The following HSPBAP1 variants were observed in gnomAD, a reference collection of about 807,000 sequenced individuals.
HSPBAP1 encodes the protein HSPB1 associated protein 1.
In HSPBAP1, 27 loss-of-function variants were observed where a neutral mutation model predicts 45.2. The observed-to-expected ratio is 0.60, with a 90% CI of 0.44 to 0.82. The LOEUF is 0.82. Among genes scored for constraint, HSPBAP1 ranks in the 40% least tolerant of loss-of-function variants. The pLI, the probability that HSPBAP1 is intolerant of heterozygous loss-of-function variation, is 0.00. For synonymous variants in HSPBAP1, 204 were observed against 202.7 expected, an observed-to-expected ratio of 1.01 and a Z score of -0.06; for missense variants, 510 against 590.9, an observed-to-expected ratio of 0.86 and a Z score of 1.42.
chr3:122,776,520 A>G (rs1334526836), intron 2 of HSPBAP1, among the ~76,000 whole-genome samples: 5 of 152,244 alleles, frequency 3.3e-5, no homozygotes, highest in South Asian at 2.1e-4. Context: ...GCTTTAAATA[A>G]ATATTAGCTA....
chr3:122,751,902 A>G (rs1161122115), intron 6 of HSPBAP1, among the ~76,000 whole-genome samples: 1 of 152,232 alleles, frequency 6.6e-6, no homozygotes, highest in Admixed American at 6.5e-5. Flanking sequence ...GACTAGGGAG[A>G]GGATACGGCT....
chr3:122,767,034 T>G (rs1934806873), intron 3 of HSPBAP1, among the ~76,000 whole-genome samples: 1 of 152,230 alleles, frequency 6.6e-6, no homozygotes, highest in South Asian at 2.1e-4. Context: ...CTTTTAAAGT[T>G]AACTATGAAA....
At chr3:122,784,266 G>A (rs1935583427) in intron 1 of HSPBAP1, among the ~76,000 whole-genome samples, 3 of 152,106 alleles carry the variant, frequency 2.0e-5, no homozygotes, top group Admixed American at 2.0e-4. Flanking sequence ...GATATAAATT[G>A]GAATCATCCT....
At chr3:122,754,941 T>A (rs896383488) in intron 5 of HSPBAP1, 1 of 1,040,170 alleles carries the variant, frequency 9.6e-7, no homozygotes, top group Admixed American at 5.6e-5. Context: ...GATGCTCGAG[T>A]ACCCATGCCT....
intron 5 of HSPBAP1, chr3:122,753,865 A>G: frequency 1.0e-6 from 1 of 985,300 alleles, no homozygotes; most frequent in Non-Finnish European, 1.2e-6. Flanking sequence ...AGGAAAACTG[A>G]TACAATAGGC....
chr3:122,757,581 C>A (rs1055435454), intron 4 of HSPBAP1, among the ~76,000 whole-genome samples: 1 of 152,298 alleles, frequency 6.6e-6, no homozygotes, highest in East Asian at 1.9e-4. Context: ...GCTTGCCTTG[C>A]ACTCTGGCTG....
chr3:122,740,439 G>A lies in HSPBAP1; in HGVS notation c.1373C>T (p.Thr458Ile). ...CAGCAAGTCATCCGTAGAAATGAAT[G>A]TTTGAGGAGTCGTAGTAGTATTTGA... ...IASNTTTTPQTFISTDDLLDC... is the reference protein window; with the variant it reads ...IASNTTTTPQIFISTDDLLDC... Residue 458 changes from threonine (T) to isoleucine (I), a missense_variant, in exon 8 of 8, where the codon ACA becomes ATA. Physicochemically the swap from Thr to Ile is moderately conservative, Grantham distance 89. Coordinates refer to ENST00000306103, the MANE Select transcript of HSPBAP1 (RefSeq NM_024610.6). 3 of 1,600,026 alleles carry A rather than the reference G, an allele frequency of 1.9e-6. No homozygotes were observed. The highest frequency in any genetic ancestry group is 2.6e-6 in the Non-Finnish European group (3 of 1,170,174).
At chr3:122,754,687 C>T (rs967461448) in intron 5 of HSPBAP1, 4 of 985,300 alleles carry the variant, frequency 4.1e-6, no homozygotes, top group Middle Eastern at 5.2e-4. Context: ...AAATATCAGA[C>T]AGCAAGTGCC....
rs1251757804 is a variant in HSPBAP1 at position 122,777,762 on chromosome 3, T to C, written c.209A>G (p.Lys70Arg). ...CATCCCCATTCTGAATCGTATCTGC[T>C]TGCCATGAAGGACCTGCGAAAGGTA... ...AKYLSQVLHG[K>R]QIRFRMGMKS... is the part of the protein sequence containing the mutation. The change falls in exon 2 of 8, where the codon AAG becomes AGG. Residue 70 changes from lysine (K) to arginine (R), a missense_variant. Physicochemically the swap from Lys to Arg is conservative, Grantham distance 26 (BLOSUM62 2). Coordinates refer to ENST00000306103, the MANE Select transcript of HSPBAP1 (RefSeq NM_024610.6). 1 of 1,613,962 alleles carries C rather than the reference T, an allele frequency of 6.2e-7. No homozygotes were observed. Among genetic ancestry groups the C allele is most frequent in the Non-Finnish European group, 8.5e-7 (1 of 1,179,978 alleles).
At chr3:122,791,182 A>G (rs890239370) in intron 1 of HSPBAP1, among the ~76,000 whole-genome samples, 1 of 152,236 alleles carries the variant, frequency 6.6e-6, no homozygotes, top group Non-Finnish European at 1.5e-5. Context: ...TCTCCCTCCA[A>G]TCGGTCTTCT....
chr3:122,761,872 G>A (rs1382085051), intron 3 of HSPBAP1: 1 of 151,266 alleles, frequency 6.6e-6, no homozygotes, highest in East Asian at 1.9e-4. Flanking sequence ...TCCCAATTAA[G>A]TTCAGCCACT....
At chr3:122,778,044 G>A (rs2107531194) in intron 1 of HSPBAP1, 138 bp from the exon 2 acceptor site, 2 of 636,382 alleles carry the variant, frequency 3.1e-6, no homozygotes, top group African/African-American at 3.7e-5. Context: ...GTCATTTACT[G>A]CTGTTTATAT....
At chr3:122,778,593 G>A (rs1047505028) in intron 1 of HSPBAP1, among the ~76,000 whole-genome samples, 4 of 149,942 alleles carry the variant, frequency 2.7e-5, no homozygotes, top group Non-Finnish European at 5.9e-5. Flanking sequence ...GCAGTGATGC[G>A]ATCTCGGCTC....
At chr3:122,789,745 G>A (rs1448461534) in intron 1 of HSPBAP1, among the ~76,000 whole-genome samples, 2 of 152,058 alleles carry the variant, frequency 1.3e-5, no homozygotes, top group African/African-American at 4.8e-5. Context: ...CATAACCAAG[G>A]TGATTAGTTC....
chr3:122,741,046 G>A lies in HSPBAP1; in HGVS notation c.893C>T (p.Ala298Val). ...TRMLVCALKT[A>V]ENPQNTRAWL... ...GGCTCTGGTATTTTGTGGATTCTCT[G>A]CAGTTTTCAGGGCACACACAAGCAT... Residue 298 changes from alanine (A) to valine (V), a missense_variant, in exon 7 of 8, where the codon GCA becomes GTA. Transcript: ENST00000306103. 2 of 1,614,150 alleles carry A rather than the reference G, an allele frequency of 1.2e-6. No individual in the cohort carries two copies. Among genetic ancestry groups the A allele is most frequent in the South Asian group, 1.1e-5 (1 of 91,084 alleles).
At chr3:122,781,676 G>A (rs1212395941) in intron 1 of HSPBAP1, among the ~76,000 whole-genome samples, 1 of 152,174 alleles carries the variant, frequency 6.6e-6, no homozygotes, top group Non-Finnish European at 1.5e-5. Flanking sequence ...CTTTATGTCT[G>A]TGTGTACTTG....
chr3:122,741,412 T>G, intron 6 of HSPBAP1: 1 of 312,236 alleles, frequency 3.2e-6, no homozygotes, highest in East Asian at 6.4e-5. Flanking sequence ...TTGACATGTT[T>G]AAAGTTTTTT....
intron 2 of HSPBAP1, among the ~76,000 whole-genome samples, chr3:122,774,392 AG>A (rs1335398410): frequency 6.6e-6 from 1 of 152,232 alleles, no homozygotes; most frequent in Admixed American, 6.5e-5. Flanking sequence ...GGCTAGACAC[AG>A]GGAACTACAT....
At chr3:122,777,069 C>A (rs1248274369) in intron 2 of HSPBAP1, among the ~76,000 whole-genome samples, 3 of 152,048 alleles carry the variant, frequency 2.0e-5, no homozygotes, top group Admixed American at 2.0e-4. Context: ...TGGTAAATTA[C>A]CTAAATTTTA....
Sources: allele counts gnomAD v4.1 joint callset (sites outside exome capture counted in the v4.1 genomes callset), GRCh38; gene constraint gnomAD v4.1.1; transcripts MANE v1.5; gene names NCBI Gene and HGNC (gene_info 2026-07-23, HGNC 2026-07-21).